Variants in DCAF12 observed in about 807,000 individuals in gnomAD.
The protein encoded by DCAF12 is DDB1 and CUL4 associated factor 12.
A neutral mutation model predicts 52.8 loss-of-function variants in DCAF12; 28 were observed. That is an observed-to-expected ratio of 0.53 (90% CI 0.39 to 0.73). The LOEUF (loss-of-function observed/expected upper bound fraction) is 0.73, where lower values mean the gene tolerates loss of function less well. DCAF12 is among the 30% of genes least tolerant of loss of function. The pLI is 0.00. For synonymous variants in DCAF12, 196 were observed against 215.5 expected, an observed-to-expected ratio of 0.91 and a Z score of 0.79; for missense variants, 425 against 552.2, an observed-to-expected ratio of 0.77 and a Z score of 2.31.
intron 4 of DCAF12, among the ~76,000 whole-genome samples, chr9:34,102,876 G>A (rs1217667827): frequency 6.6e-6 from 1 of 150,712 alleles, no homozygotes; most frequent in Non-Finnish European, 1.5e-5. Context: ...AGGACGTTGA[G>A]ACCAGCCTGG....
chr9:34,101,781 G>A (rs185723764), intron 4 of DCAF12, among the ~76,000 whole-genome samples: 37 of 147,556 alleles, frequency 2.5e-4, no homozygotes, highest in Non-Finnish European at 4.1e-4. Flanking sequence ...TTGGGAGGCT[G>A]AGGTAGGTGG....
At chr9:34,110,781 C>T (rs1828989615) in intron 2 of DCAF12, among the ~76,000 whole-genome samples, 1 of 145,182 alleles carries the variant, frequency 6.9e-6, no homozygotes, top group Admixed American at 7.0e-5. Flanking sequence ...AAGACCCTGC[C>T]TCAACAAAAC....
rs1002295510 is a variant in DCAF12, at chr9:34,110,713, G to C, written c.334-3148C>G. Among the ~76,000 whole-genome samples the C allele has an allele frequency of 2.6e-5, 4 of 152,150 alleles. No individual in the cohort carries two copies. The East Asian group carries it at 7.8e-4, about 30-fold the overall frequency. ...ACCCTGTCTCTACTTGAGCCCAGGA[G>C]GTCAAGGCTGCAGTGAGCCATGATG... is the stretch of plus-strand genomic sequence containing the variant. On this transcript the variant is annotated intron_variant, in intron 2 of 8. Transcript: ENST00000361264.
At chr9:34,124,537 G>A (rs1829218378) in intron 2 of DCAF12, among the ~76,000 whole-genome samples, 1 of 152,074 alleles carries the variant, frequency 6.6e-6, no homozygotes, top group African/African-American at 2.4e-5. Context: ...TTCCTTATAG[G>A]AAACAGTTCA....
intron 2 of DCAF12, among the ~76,000 whole-genome samples, chr9:34,120,683 A>G (rs1394932696): frequency 1.3e-4 from 19 of 151,490 alleles, no homozygotes; most frequent in Admixed American, 9.9e-4. Flanking sequence ...AAAAAAAAAA[A>G]AAAAGAAAAC....
chr9:34,101,571 T>C (rs1554700152), intron 4 of DCAF12, among the ~76,000 whole-genome samples: 1 of 151,748 alleles, frequency 6.6e-6, no homozygotes, highest in Non-Finnish European at 1.5e-5. Flanking sequence ...TTTGTATTTT[T>C]AGTAGAGACG....
intron 7 of DCAF12, among the ~76,000 whole-genome samples, chr9:34,090,238 ATTT>A (rs938344613): frequency 1.3e-5 from 2 of 151,884 alleles, no homozygotes; most frequent in Middle Eastern, 3.2e-3. Flanking sequence ...TAATTCTTGC[ATTT>A]TCAGGAGAGA....
chr9:34,107,224 C>A, intron 3 of DCAF12, 135 bp downstream of exon 3: 1 of 827,118 alleles, frequency 1.2e-6, no homozygotes, highest in South Asian at 1.6e-5. Flanking sequence ...CTGCTTGCCC[C>A]TTTATCAAAT....
intron 2 of DCAF12, among the ~76,000 whole-genome samples, chr9:34,118,722 G>C (rs1363552430): frequency 1.3e-5 from 2 of 152,096 alleles, no homozygotes; most frequent in African/African-American, 4.8e-5. Flanking sequence ...CCAGCTCTTT[G>C]GGAGGCAGAG....
chr9:34,105,242 G>C (rs1828886426), intron 4 of DCAF12, among the ~76,000 whole-genome samples: 1 of 150,706 alleles, frequency 6.6e-6, no homozygotes, highest in Non-Finnish European at 1.5e-5. Context: ...GACAGAGTGA[G>C]ACTCTGTCTC....
chr9:34,113,975 G>A lies in DCAF12; in HGVS notation c.334-6410C>T, dbSNP rs529807002. 5.9e-5 allele frequency among the ~76,000 whole-genome samples: 9 copies of A among 152,200 alleles called. No individual in the cohort carries two copies. In the East Asian group the frequency reaches 1.8e-3, roughly 30 times the overall value. Reference sequence around the variant, plus strand: ...TACAAAAAATTAGCCGGGCGTGGTGGTGGGTACCTGTAGTCCCAGCTACTC... The same window carrying A: ...TACAAAAAATTAGCCGGGCGTGGTGATGGGTACCTGTAGTCCCAGCTACTC... On this transcript the variant is annotated intron_variant, in intron 2 of 8. Coordinates refer to ENST00000361264, the MANE Select transcript of DCAF12 (RefSeq NM_015397.4).
intron 2 of DCAF12, among the ~76,000 whole-genome samples, chr9:34,110,169 C>T (rs933593945): frequency 6.6e-6 from 1 of 152,050 alleles, no homozygotes. Context: ...CTGAGAGCAG[C>T]AGACTCCCTG....
intron 2 of DCAF12, among the ~76,000 whole-genome samples, chr9:34,112,142 CAAAA>C (rs796997762): frequency 8.6e-6 from 1 of 116,022 alleles, no homozygotes; most frequent in Non-Finnish European, 1.8e-5. Flanking sequence ...GACTCCAACT[CAAAA>C]AAAAAAAAAA....
chr9:34,121,428 G>C (rs761944029), intron 2 of DCAF12, among the ~76,000 whole-genome samples: 1 of 152,112 alleles, frequency 6.6e-6, no homozygotes, highest in Non-Finnish European at 1.5e-5. Flanking sequence ...TTACCGAGAG[G>C]TCCCTCGCTC....
chr9:34,126,221 G>C, intron 1 of DCAF12, 133 bp downstream of exon 1: 1 of 1,126,174 alleles, frequency 8.9e-7, no homozygotes, highest in South Asian at 1.3e-5. Flanking sequence ...TGACCCTATA[G>C]GCCCTGAACC....
chr9:34,096,086 T>A (rs1166566550), intron 6 of DCAF12: 7 of 152,282 alleles, frequency 4.6e-5, no homozygotes, highest in African/African-American at 1.7e-4. Context: ...CCAGGTGCAA[T>A]GGTTCATGCC....
intron 6 of DCAF12, among the ~76,000 whole-genome samples, chr9:34,095,410 T>C (rs1828721105): frequency 8.6e-6 from 1 of 116,284 alleles, no homozygotes; most frequent in African/African-American, 3.4e-5. Flanking sequence ...AGATAGGGTC[T>C]CGCTCTGTCA....
At chr9:34,089,960 C>T (rs1267367512) in intron 7 of DCAF12, 3 of 175,608 alleles carry the variant, frequency 1.7e-5, no homozygotes, top group African/African-American at 7.1e-5. Flanking sequence ...TCATATGTTT[C>T]CAACCTACAC....
At chr9:34,126,211 T>G in intron 1 of DCAF12, 143 bp downstream of exon 1, 1 of 1,048,394 alleles carries the variant, frequency 9.5e-7, no homozygotes, top group Non-Finnish European at 1.4e-6. Context: ...GGTCCAGTCC[T>G]GACCCTATAG....
Sources: allele counts gnomAD v4.1 joint callset (sites outside exome capture counted in the v4.1 genomes callset), GRCh38; gene constraint gnomAD v4.1.1; transcripts MANE v1.5; gene names NCBI Gene and HGNC (gene_info 2026-07-23, HGNC 2026-07-21).